CSMD3: variants seen among roughly 807,000 people sequenced by gnomAD.
The protein encoded by CSMD3 is CUB and Sushi multiple domains 3, also known as CUB and sushi domain-containing protein 3.
CSMD3 carries 177 observed loss-of-function variants against 435.2 expected under a neutral mutation model. That is an observed-to-expected ratio of 0.41 (90% confidence interval 0.36 to 0.46). CSMD3 has a LOEUF of 0.46. CSMD3 is among the 20% of genes least tolerant of loss of function. The probability of loss-of-function intolerance (pLI) is 0.34; values close to 1 mark genes in which losing one functional copy is unlikely to be tolerated. For synonymous variants in CSMD3, 1,656 were observed against 1,520.5 expected (o/e 1.09, Z -2.07); for missense variants, 4,265 against 4,504.6 (o/e 0.95, Z 1.52).
At chr8:112,347,291 G>A (rs970998020) in intron 40 of CSMD3, among the ~76,000 whole-genome samples, 1 of 152,054 alleles carries the variant, frequency 6.6e-6, no homozygotes, top group Non-Finnish European at 1.5e-5. Flanking sequence ...ATTCTTGACC[G>A]TCTAAAGCAC....
chr8:113,212,266 C>G (rs952573631), intron 3 of CSMD3, among the ~76,000 whole-genome samples: 2 of 152,074 alleles, frequency 1.3e-5, no homozygotes, highest in African/African-American at 4.8e-5. Flanking sequence ...ATAATAAAAT[C>G]TGCTGTGGTG....
chr8:113,214,824 T>A (rs1588290564), intron 3 of CSMD3, among the ~76,000 whole-genome samples: 1 of 151,848 alleles, frequency 6.6e-6, no homozygotes, highest in Non-Finnish European at 1.5e-5. Context: ...ATTATAAAGA[T>A]ATCTTGAGTC....
chr8:112,563,349 TG>T (rs766297184), intron 24 of CSMD3, among the ~76,000 whole-genome samples: 3 of 151,846 alleles, frequency 2.0e-5, no homozygotes, highest in Non-Finnish European at 4.4e-5. Context: ...AAAAAAAGCT[TG>T]TGGAAATTAT....
At chr8:112,418,819 A>T (rs1179477116) in intron 32 of CSMD3, among the ~76,000 whole-genome samples, 1 of 152,168 alleles carries the variant, frequency 6.6e-6, no homozygotes, top group Non-Finnish European at 1.5e-5. Flanking sequence ...CAAACTCCAA[A>T]TATTTTTTGG....
chr8:112,228,679 A>G, intron 70 of CSMD3, 77 bp downstream of exon 70: 1 of 1,448,282 alleles, frequency 6.9e-7, no homozygotes, highest in South Asian at 1.2e-5. Flanking sequence ...TGAAATTAAG[A>G]TTTGAGCTAG....
chr8:112,903,398 T>C (rs2082162394), intron 10 of CSMD3, among the ~76,000 whole-genome samples: 1 of 151,116 alleles, frequency 6.6e-6, no homozygotes, highest in Admixed American at 6.6e-5. Context: ...AACATTTGAA[T>C]AAAATGTTCC....
chr8:113,321,466 C>G (rs571605479), intron 1 of CSMD3, among the ~76,000 whole-genome samples: 1 of 152,150 alleles, frequency 6.6e-6, no homozygotes, highest in Non-Finnish European at 1.5e-5. Flanking sequence ...TCAAAATGTT[C>G]ACTTACTAGA....
At chr8:112,309,102 T>C (rs1294408999) in intron 50 of CSMD3, among the ~76,000 whole-genome samples, 2 of 152,004 alleles carry the variant, frequency 1.3e-5, no homozygotes, top group African/African-American at 4.8e-5. Context: ...TTTTAAACTA[T>C]ATTTCAACTT....
At chr8:113,301,221 T>C (rs2093763944) in intron 2 of CSMD3, among the ~76,000 whole-genome samples, 1 of 152,056 alleles carries the variant, frequency 6.6e-6, no homozygotes, top group African/African-American at 2.4e-5. Flanking sequence ...CCTTGTTTAG[T>C]GGTAGGCTTA....
intron 22 of CSMD3, among the ~76,000 whole-genome samples, chr8:112,591,140 C>T (rs1242030188): frequency 2.0e-5 from 3 of 152,068 alleles, no homozygotes; most frequent in Non-Finnish European, 2.9e-5. Context: ...CCAGTGTACA[C>T]ATTGTATATG....
At chr8:112,564,944 A>G (rs1056924436) in intron 24 of CSMD3, among the ~76,000 whole-genome samples, 8 of 152,124 alleles carry the variant, frequency 5.3e-5, no homozygotes, top group Non-Finnish European at 8.8e-5. Context: ...TAGGTCTTCA[A>G]CTTGCCAGAA....
intron 6 of CSMD3, among the ~76,000 whole-genome samples, chr8:113,001,592 A>AT (rs758228628): frequency 7.9e-5 from 12 of 151,706 alleles, no homozygotes; most frequent in African/African-American, 2.9e-4. Context: ...AGCCCCTTCC[A>AT]TTTTTTCCTT....
At chr8:112,711,548 T>C (rs892336971) in intron 13 of CSMD3, among the ~76,000 whole-genome samples, 2 of 152,058 alleles carry the variant, frequency 1.3e-5, no homozygotes, top group African/African-American at 2.4e-5. Context: ...TCATGAATCA[T>C]AAGGGAAATC....
At chr8:113,094,300 C>T (rs1278922281) in intron 5 of CSMD3, among the ~76,000 whole-genome samples, 2 of 152,154 alleles carry the variant, frequency 1.3e-5, no homozygotes, top group South Asian at 4.1e-4. Context: ...TGGCATAGAG[C>T]AGCCCCCTAA....
intron 5 of CSMD3, among the ~76,000 whole-genome samples, chr8:113,024,295 T>C (rs2086793349): frequency 1.6e-3 from 1 of 632 alleles, no homozygotes; most frequent in Non-Finnish European, 4.3e-3. Context: ...GTATTGTGTG[T>C]GTGTGTGTGT....
chr8:112,741,470 A>G (rs1219958891), intron 13 of CSMD3, among the ~76,000 whole-genome samples: 1 of 151,968 alleles, frequency 6.6e-6, no homozygotes, highest in Non-Finnish European at 1.5e-5. Flanking sequence ...AGATAACAAG[A>G]GCTGGCAGGA....
chr8:113,290,016 TTTTC>T (rs2093674959), intron 2 of CSMD3, among the ~76,000 whole-genome samples: 1 of 151,748 alleles, frequency 6.6e-6, no homozygotes, highest in African/African-American at 2.4e-5. Flanking sequence ...TAATGTGGTA[TTTTC>T]TTTGTCAATT....
intron 5 of CSMD3, among the ~76,000 whole-genome samples, chr8:113,079,913 A>C (rs2089488825): frequency 6.6e-6 from 1 of 152,036 alleles, no homozygotes; most frequent in African/African-American, 2.4e-5. Flanking sequence ...AACTTATAAT[A>C]CATAGCCTTG....
intron 3 of CSMD3, among the ~76,000 whole-genome samples, chr8:113,254,460 T>G (rs1167326714): frequency 6.6e-6 from 1 of 152,104 alleles, no homozygotes; most frequent in Non-Finnish European, 1.5e-5. Flanking sequence ...ACTGGCCAGG[T>G]ATAGAACCCA....
Sources: gnomAD v4.1 joint callset for allele counts (sites outside exome capture counted in the v4.1 genomes callset) on GRCh38, gnomAD v4.1.1 for gene constraint, MANE v1.5 for transcripts, NCBI Gene and HGNC (gene_info 2026-07-23, HGNC 2026-07-21) for gene names.